Variants in ANKS3 observed in about 807,000 individuals in gnomAD.
The protein encoded by ANKS3 is ankyrin repeat and SAM domain-containing protein 3.
In ANKS3, 62 loss-of-function variants were observed where a neutral mutation model predicts 80.7. That is an observed-to-expected ratio of 0.77 (90% CI 0.63 to 0.95). The LOEUF (loss-of-function observed/expected upper bound fraction) is 0.95, where lower values mean the gene tolerates loss of function less well. Among genes scored for constraint, ANKS3 ranks in the 40% least tolerant of loss-of-function variants. The probability of loss-of-function intolerance (pLI) is 0.00; values close to 1 mark genes in which losing one functional copy is unlikely to be tolerated. For missense variants in ANKS3, 1,150 were observed against 883.6 expected (o/e 1.30, Z -3.82); for synonymous variants, 489 against 355.3 (o/e 1.38, Z -4.23).
At position 4,701,487 on chromosome 16, in the gene ANKS3, C is replaced by T. The variant is rs1223818234; in HGVS notation, c.1066G>A (p.Gly356Ser). ...CTGAGCCCCTGGGCTCTGGCCAGGC[C>T]CTCGCTGCTGCTGCTGCTCTGGACG... Reference protein sequence around the residue: ...GPVQSSSSSEGLARAQGLSSE... With the variant: ...GPVQSSSSSESLARAQGLSSE... The change falls in exon 10 of 18, where the codon GGC becomes AGC. Residue 356 changes from glycine to serine, a missense_variant. Coordinates refer to ENST00000304283, the MANE Select transcript of ANKS3 (RefSeq NM_133450.4). The T allele has an allele frequency of 6.2e-7, 1 of 1,612,056 alleles. No individual in the cohort carries two copies. The highest frequency in any genetic ancestry group is 1.1e-5 in the South Asian group (1 of 91,008).
chr16:4,731,037 A>T (rs1193986642), intron 2 of ANKS3, among the ~76,000 whole-genome samples: 1 of 152,198 alleles, frequency 6.6e-6, no homozygotes, highest in Non-Finnish European at 1.5e-5. Flanking sequence ...AAACACAAGG[A>T]TCCAACAGTT....
At chr16:4,732,451 G>A (rs986266346) in intron 1 of ANKS3, among the ~76,000 whole-genome samples, 7 of 152,168 alleles carry the variant, frequency 4.6e-5, no homozygotes, top group African/African-American at 1.7e-4. Flanking sequence ...ACCAGACCAA[G>A]CGTGACGGAC....
chr16:4,714,712 G>C (rs892489233), intron 6 of ANKS3, among the ~76,000 whole-genome samples: 1 of 152,222 alleles, frequency 6.6e-6, no homozygotes, highest in African/African-American at 2.4e-5. Context: ...GTTTGGCACA[G>C]GCCGGGTGCG....
chr16:4,710,592 C>G (rs545993000), intron 7 of ANKS3, among the ~76,000 whole-genome samples: 2 of 152,128 alleles, frequency 1.3e-5, no homozygotes, highest in South Asian at 4.1e-4. Flanking sequence ...ACCTACAGTC[C>G]TAGCTACTCG....
At chr16:4,724,706 A>G (rs768168192) in intron 6 of ANKS3, 44 bp downstream of exon 6, 1 of 1,554,426 alleles carries the variant, frequency 6.4e-7, no homozygotes, top group South Asian at 1.1e-5. Context: ...ATGATTCCTC[A>G]TTTGCCGTGA....
intron 3 of ANKS3, chr16:4,727,472 A>C: frequency 2.1e-6 from 1 of 476,358 alleles, no homozygotes; most frequent in Non-Finnish European, 3.9e-6. Context: ...TCAACCAGGG[A>C]ATATGTGGCA....
At chr16:4,700,881 C>T (rs1280008999) in intron 11 of ANKS3, 89 bp downstream of exon 11, 1 of 1,523,666 alleles carries the variant, frequency 6.6e-7, no homozygotes, top group Non-Finnish European at 9.0e-7. Context: ...CCTAGCAGCG[C>T]CTGGCACGTC....
intron 17 of ANKS3, 44 bp downstream of exon 17, chr16:4,696,973 C>T (rs1163406188): frequency 1.3e-6 from 2 of 1,591,236 alleles, no homozygotes; most frequent in Non-Finnish European, 1.7e-6. Flanking sequence ...CCAGACAGGC[C>T]CTGCTGCTCC....
At chr16:4,731,686 A>G in intron 1 of ANKS3, 107 bp from the exon 2 acceptor site, 2 of 574,950 alleles carry the variant, frequency 3.5e-6, no homozygotes, top group Non-Finnish European at 4.4e-6. Context: ...CAATTCCCCA[A>G]CAGACAAACC....
chr16:4,714,893 G>A (rs2080705066), intron 6 of ANKS3, among the ~76,000 whole-genome samples: 1 of 148,906 alleles, frequency 6.7e-6, no homozygotes, highest in Non-Finnish European at 1.5e-5. Context: ...TCGGGAGGCT[G>A]AGGCAGGAGA....
In ANKS3 at chr16:4,733,987, A is replaced by C. The variant is rs543639850; in HGVS notation, c.-120T>G. The C allele has an allele frequency of 7.1e-6, 7 of 985,484 alleles. No individual in the cohort carries two copies. The East Asian group carries it at 8.0e-4, about 112-fold the overall frequency. The allele number at this position is 985,484 out of a possible 1,614,324, so 61.0% of individuals were successfully genotyped here. A position where few individuals can be genotyped will look rare whatever the true frequency, so the allele number is the denominator to read the frequency against. On this transcript the variant is annotated 5_prime_UTR_variant, in exon 1 of 18. It removes the in-frame stop codon of an upstream open reading frame in the 5' UTR. Transcript: ENST00000304283. ...CCGGCCACATCCCCACAGGAACGCT[A>C]CGGCGCACAGGGCATTACTGTGCCC...
chr16:4,701,349 C>G, intron 10 of ANKS3, 85 bp downstream of exon 10: 2 of 1,390,704 alleles, frequency 1.4e-6, no homozygotes, highest in Non-Finnish European at 2.0e-6. Flanking sequence ...TTCTTACATA[C>G]ATGCTCATCT....
At chr16:4,699,804 G>C (rs545760806) in intron 11 of ANKS3, 2 of 152,822 alleles carry the variant, frequency 1.3e-5, no homozygotes, top group Admixed American at 6.5e-5. Flanking sequence ...CAAGTTGTCT[G>C]ACTCTTCTGC....
At chr16:4,707,818 A>G (rs754242801) in intron 7 of ANKS3, among the ~76,000 whole-genome samples, 15 of 152,174 alleles carry the variant, frequency 9.9e-5, no homozygotes, top group Non-Finnish European at 1.8e-4. Context: ...ACACTAAAAA[A>G]TATTGATCAG....
chr16:4,712,837 G>A (rs1248359249), intron 7 of ANKS3, among the ~76,000 whole-genome samples: 1 of 152,164 alleles, frequency 6.6e-6, no homozygotes, highest in Non-Finnish European at 1.5e-5. Context: ...AACAAAGTCA[G>A]AGTCATGAGA....
chr16:4,721,098 G>A (rs1174310965), intron 6 of ANKS3, among the ~76,000 whole-genome samples: 4 of 150,126 alleles, frequency 2.7e-5, no homozygotes, highest in African/African-American at 4.9e-5. Context: ...GAGGTCAGGA[G>A]ATCGAGACCA....
intron 11 of ANKS3, chr16:4,699,447 T>C: frequency 2.0e-6 from 1 of 493,192 alleles, no homozygotes; most frequent in Non-Finnish European, 3.7e-6. Flanking sequence ...CTCAGTTCTG[T>C]GAAGGGACCA....
chr16:4,704,799 ATCTGACCTTAGCTACATT>A (rs1567331526), intron 8 of ANKS3, among the ~76,000 whole-genome samples: 4 of 152,330 alleles, frequency 2.6e-5, no homozygotes, highest in Admixed American at 2.6e-4. Context: ...GATGAATGAA[ATCTGACCTTAGCTACATT>A]TCTGCTGCAG....
At chr16:4,699,430 A>C in intron 11 of ANKS3, 1 of 526,656 alleles carries the variant, frequency 1.9e-6, no homozygotes, top group South Asian at 2.0e-5. Flanking sequence ...TCCTCCTCCC[A>C]CACATGCTCA....
Sources: allele counts gnomAD v4.1 joint callset (sites outside exome capture counted in the v4.1 genomes callset), GRCh38; gene constraint gnomAD v4.1.1; transcripts MANE v1.5; gene names NCBI Gene and HGNC (gene_info 2026-07-23, HGNC 2026-07-21).